Variants in THRB observed in about 807,000 individuals in gnomAD.
THRB encodes thyroid hormone receptor beta.
THRB carries 12 observed loss-of-function variants against 47.8 expected under a neutral mutation model. The observed-to-expected ratio is 0.25, with a 90% CI of 0.16 to 0.41. The LOEUF is 0.41. Ranked by LOEUF, THRB falls within the 10% of genes least tolerant of loss-of-function variation. The probability of loss-of-function intolerance (pLI) is 1.00; values close to 1 mark genes in which losing one functional copy is unlikely to be tolerated. For missense variants in THRB, 348 were observed against 589.2 expected, an observed-to-expected ratio of 0.59 and a Z score of 4.24; for synonymous variants, 218 against 212.2, an observed-to-expected ratio of 1.03 and a Z score of -0.24.
At chr3:24,413,277 T>G (rs868084634) in intron 1 of THRB, among the ~76,000 whole-genome samples, 1 of 151,878 alleles carries the variant, frequency 6.6e-6, no homozygotes, top group Non-Finnish European at 1.5e-5. Context: ...AATGAAAACA[T>G]TCTTGTGTTA....
At chr3:24,177,241 G>A (rs1183777036) in intron 5 of THRB, among the ~76,000 whole-genome samples, 2 of 152,088 alleles carry the variant, frequency 1.3e-5, no homozygotes, top group African/African-American at 4.8e-5. Flanking sequence ...TTGAAACAAC[G>A]TAGGTTACAT....
At chr3:24,330,262 G>C (rs2061839234) in intron 2 of THRB, among the ~76,000 whole-genome samples, 1 of 152,120 alleles carries the variant, frequency 6.6e-6, no homozygotes, top group South Asian at 2.1e-4. Flanking sequence ...AGCCGAGATT[G>C]CGCCACTGCA....
chr3:24,424,445 C>T (rs1465639142), intron 1 of THRB, among the ~76,000 whole-genome samples: 1 of 151,904 alleles, frequency 6.6e-6, no homozygotes, highest in African/African-American at 2.4e-5. Flanking sequence ...CCTTAGTAAG[C>T]AGCATTGGCA....
intron 1 of THRB, among the ~76,000 whole-genome samples, chr3:24,475,351 A>G (rs1170264671): frequency 6.6e-6 from 1 of 152,190 alleles, no homozygotes; most frequent in African/African-American, 2.4e-5. Flanking sequence ...AAATAAATAA[A>G]TGTAAGAAGT....
chr3:24,264,545 T>C (rs2052440848), intron 3 of THRB, among the ~76,000 whole-genome samples: 1 of 88,088 alleles, frequency 1.1e-5, no homozygotes, highest in South Asian at 3.5e-4. Context: ...TGAGATAATA[T>C]ATGAAAAATC....
At chr3:24,453,174 A>G (rs951061901) in intron 1 of THRB, among the ~76,000 whole-genome samples, 3 of 152,138 alleles carry the variant, frequency 2.0e-5, no homozygotes, top group East Asian at 1.9e-4. Context: ...ACTCTTGTCT[A>G]TTTCAGTAGT....
At chr3:24,337,408 G>A (rs964741111) in intron 1 of THRB, 37 bp from the exon 2 acceptor site, 14 of 152,174 alleles carry the variant, frequency 9.2e-5, no homozygotes, top group Admixed American at 5.9e-4. Flanking sequence ...AATATAATTT[G>A]TTGTTTTAAA....
intron 5 of THRB, among the ~76,000 whole-genome samples, chr3:24,178,546 A>AT (rs2041472888): frequency 1.3e-5 from 2 of 152,328 alleles, no homozygotes; most frequent in Admixed American, 1.3e-4. Context: ...TTCCAAAATA[A>AT]TAATCAGCCT....
At chr3:24,138,038 C>T (rs1042566007) in intron 8 of THRB, among the ~76,000 whole-genome samples, 2 of 151,660 alleles carry the variant, frequency 1.3e-5, no homozygotes, top group South Asian at 2.1e-4. Flanking sequence ...GACCTCAGCC[C>T]CTGCTCAGCA....
chr3:24,204,387 A>T (rs1176184597), intron 4 of THRB, among the ~76,000 whole-genome samples: 1 of 152,246 alleles, frequency 6.6e-6, no homozygotes, highest in Non-Finnish European at 1.5e-5. Flanking sequence ...ATACCCAGGC[A>T]AACAGGGTCT....
At chr3:24,334,088 T>G (rs2149398603) in intron 2 of THRB, among the ~76,000 whole-genome samples, 2 of 152,306 alleles carry the variant, frequency 1.3e-5, no homozygotes, top group East Asian at 3.9e-4. Context: ...ACTACCTGAC[T>G]TTTAAAATAT....
At chr3:24,271,475 CAA>C (rs971669020) in intron 3 of THRB, among the ~76,000 whole-genome samples, 5 of 152,108 alleles carry the variant, frequency 3.3e-5, no homozygotes, top group Admixed American at 2.0e-4. Context: ...TTTTGCAGGG[CAA>C]AGAGAGGGCT....
chr3:24,409,415 A>T (rs1461359750), intron 1 of THRB, among the ~76,000 whole-genome samples: 1 of 151,870 alleles, frequency 6.6e-6, no homozygotes, highest in Non-Finnish European at 1.5e-5. Flanking sequence ...TCTGGGAGGC[A>T]ATATAGCATA....
intron 1 of THRB, among the ~76,000 whole-genome samples, chr3:24,428,782 T>C (rs1197142988): frequency 6.6e-6 from 1 of 151,968 alleles, no homozygotes; most frequent in Non-Finnish European, 1.5e-5. Flanking sequence ...TCCTTGTTTC[T>C]TTTGTAATTT....
chr3:24,456,146 T>C (rs895988618), intron 1 of THRB, among the ~76,000 whole-genome samples: 50 of 152,014 alleles, frequency 3.3e-4, no homozygotes, highest in African/African-American at 1.1e-3. Flanking sequence ...CTGGGCAACA[T>C]AGTGAGGCCT....
intron 5 of THRB, among the ~76,000 whole-genome samples, chr3:24,157,712 C>T (rs1057192634): frequency 6.6e-6 from 1 of 151,882 alleles, no homozygotes; most frequent in Non-Finnish European, 1.5e-5. Context: ...GAAGTTGTTT[C>T]GTAGAGATGG....
At chr3:24,332,077 TC>T (rs2149383534) in intron 2 of THRB, among the ~76,000 whole-genome samples, 1 of 152,238 alleles carries the variant, frequency 6.6e-6, no homozygotes, top group African/African-American at 2.4e-5. Context: ...TTTTCCCACT[TC>T]CTTTGCAACT....
chr3:24,357,767 T>G (rs1336520436), intron 1 of THRB, among the ~76,000 whole-genome samples: 1 of 152,162 alleles, frequency 6.6e-6, no homozygotes, highest in African/African-American at 2.4e-5. Context: ...GACTTTTAGG[T>G]TGTACGCTGT....
At chr3:24,139,299 A>G (rs2035114812) in intron 8 of THRB, among the ~76,000 whole-genome samples, 1 of 152,074 alleles carries the variant, frequency 6.6e-6, no homozygotes, top group East Asian at 1.9e-4. Flanking sequence ...CAAAGACTCT[A>G]ATTTTCTCAG....
Sources: gnomAD v4.1 joint callset for allele counts (sites outside exome capture counted in the v4.1 genomes callset) on GRCh38, gnomAD v4.1.1 for gene constraint, MANE v1.5 for transcripts, NCBI Gene and HGNC (gene_info 2026-07-23, HGNC 2026-07-21) for gene names.